Variants in PPFIBP1 observed in about 807,000 individuals in gnomAD.
The protein encoded by PPFIBP1 is liprin-beta-1.
A neutral mutation model predicts 137.8 loss-of-function variants in PPFIBP1; 112 were observed. The ratio of observed to expected loss-of-function variants is 0.81; its 90% CI spans 0.70 to 0.95. The LOEUF (loss-of-function observed/expected upper bound fraction) is 0.95. Ranked by LOEUF, PPFIBP1 falls within the 40% of genes least tolerant of loss-of-function variation. PPFIBP1 has a pLI of 0.00. For missense variants in PPFIBP1, 1,083 were observed against 1,196.6 expected (o/e 0.91, Z 1.40); for synonymous variants, 378 against 417.3 (o/e 0.91, Z 1.15).
intron 7 of PPFIBP1, among the ~76,000 whole-genome samples, chr12:27,650,874 A>G (rs2058836967): frequency 6.6e-6 from 1 of 152,256 alleles, no homozygotes; most frequent in Admixed American, 6.5e-5. Context: ...TACATTTGAA[A>G]TGAAGTATAA....
At chr12:27,602,213 A>G (rs1482715051) in intron 2 of PPFIBP1, among the ~76,000 whole-genome samples, 6 of 152,194 alleles carry the variant, frequency 3.9e-5, no homozygotes, top group African/African-American at 1.2e-4. Flanking sequence ...TTTCCTCCAA[A>G]GCATCTAGAA....
Position 27,634,925 on chromosome 12 carries a change from A to C in PPFIBP1, c.80A>C (p.Glu27Ala), listed in dbSNP as rs759825398. 3 of 1,613,872 alleles carry C rather than the reference A, an allele frequency of 1.9e-6. No individual in the cohort carries two copies. The highest frequency in any genetic ancestry group is 2.5e-6 in the Non-Finnish European group (3 of 1,179,846). ...DGIIAGSKAL[E>A]YSNGIFDCQS... ...TTTAACTTAGGTTCTAAGGCTCTGG[A>C]ATATTCCAATGGGATTTTTGATTGC... The change falls in exon 4 of 30, where the codon GAA becomes GCA. Residue 27 changes from glutamate (E) to alanine (A), a missense_variant. Coordinates refer to ENST00000228425, the MANE Select transcript of PPFIBP1 (RefSeq NM_003622.4).
chr12:27,643,954 A>G (rs1232810882), intron 4 of PPFIBP1, among the ~76,000 whole-genome samples: 1 of 146,940 alleles, frequency 6.8e-6, no homozygotes, highest in African/African-American at 2.5e-5. Flanking sequence ...ATCTGTTTCT[A>G]TTTGGGGCTA....
intron 2 of PPFIBP1, among the ~76,000 whole-genome samples, chr12:27,620,277 C>T (rs2056208536): frequency 6.6e-6 from 1 of 152,120 alleles, no homozygotes; most frequent in Non-Finnish European, 1.5e-5. Context: ...CCATGGAGGC[C>T]CCAGATTCCA....
intron 2 of PPFIBP1, among the ~76,000 whole-genome samples, chr12:27,631,696 G>A (rs16932246): frequency 0.21 from 31,704 of 152,028 alleles, 3,581 homozygotes; most frequent in East Asian, 0.24. Context: ...GCATTTGAAA[G>A]GCTCATTAAA....
intron 4 of PPFIBP1, among the ~76,000 whole-genome samples, chr12:27,638,222 A>G (rs76907601): frequency 0.017 from 2,557 of 152,342 alleles, 70 homozygotes; most frequent in African/African-American, 0.057. Context: ...TTTTACATAT[A>G]TATTTTACCA....
At chr12:27,624,039 A>C (rs1474567090) in intron 2 of PPFIBP1, among the ~76,000 whole-genome samples, 2 of 152,124 alleles carry the variant, frequency 1.3e-5, no homozygotes, top group East Asian at 1.9e-4. Flanking sequence ...GAAAGAATGC[A>C]TGACCCACCT....
At chr12:27,691,221 G>T (rs966020836) in intron 27 of PPFIBP1, among the ~76,000 whole-genome samples, 1 of 151,124 alleles carries the variant, frequency 6.6e-6, no homozygotes, top group Non-Finnish European at 1.5e-5. Context: ...ATCTTAGATT[G>T]AAAAACCTTG....
intron 16 of PPFIBP1, 138 bp downstream of exon 16, chr12:27,673,965 G>A (rs2060352642): frequency 1.2e-6 from 1 of 830,260 alleles, no homozygotes; most frequent in South Asian, 1.8e-5. Flanking sequence ...TTAGATGTTA[G>A]GTTTAACAGT....
chr12:27,667,092 TTCTTA>T, intron 12 of PPFIBP1, 69 bp from the exon 13 acceptor site: 1 of 1,366,196 alleles, frequency 7.3e-7, no homozygotes, highest in East Asian at 2.4e-5. Flanking sequence ...ATAATTGGGA[TTCTTA>T]TCTTCTTGTA....
At chr12:27,558,479 C>CACAG (rs1170025156) in intron 1 of PPFIBP1, among the ~76,000 whole-genome samples, 2 of 112,792 alleles carry the variant, frequency 1.8e-5, no homozygotes, top group East Asian at 6.2e-4. Context: ...CACACACACA[C>CACAG]ACACACACAC....
chr12:27,692,784 C>T lies in PPFIBP1; in HGVS notation c.2932-12C>T. 1 of 1,614,076 alleles carries T rather than the reference C, an allele frequency of 6.2e-7. No individual in the cohort carries two copies. The highest frequency in any genetic ancestry group is 1.3e-5 in the African/African-American group (1 of 75,038). ...GGCTCTCAGTGTGACTCCCTGTCTC[C>T]TTGTTTTCCAGCACATGTTAAAAGA... On this transcript the variant is annotated splice_polypyrimidine_tract_variant and intron_variant, in intron 29 of 29. Coordinates refer to ENST00000228425, the MANE Select transcript of PPFIBP1 (RefSeq NM_003622.4).
intron 11 of PPFIBP1, among the ~76,000 whole-genome samples, chr12:27,663,972 G>A (rs1382620600): frequency 6.6e-6 from 1 of 152,168 alleles, no homozygotes; most frequent in Non-Finnish European, 1.5e-5. Flanking sequence ...CAGAAGATGG[G>A]GGTCTTTCTT....
intron 4 of PPFIBP1, among the ~76,000 whole-genome samples, chr12:27,643,961 G>T (rs2058288916): frequency 6.8e-6 from 1 of 147,736 alleles, no homozygotes; most frequent in Non-Finnish European, 1.5e-5. Flanking sequence ...TCTATTTGGG[G>T]CTAATTTTGG....
Position 27,650,100 on chromosome 12 carries a change from A to G in PPFIBP1, c.562A>G (p.Lys188Glu). The change falls in exon 7 of 30, where the codon AAG becomes GAG. Residue 188 changes from lysine (K) to glutamate (E), a missense_variant. Coordinates refer to ENST00000228425, the MANE Select transcript of PPFIBP1 (RefSeq NM_003622.4). ...NLKLKLTAVE[K>E]DRLDYEDKFR... The stretch of plus-strand genomic sequence containing the variant: ...GAAGTTGAAACTGACAGCTGTAGAG[A>G]AGGACAGATTGGATTATGAAGATAA... 6.2e-7 allele frequency: 1 copy of G among 1,609,052 alleles called. No individual in the cohort carries two copies. Among genetic ancestry groups the G allele is most frequent in the Non-Finnish European group, 8.5e-7 (1 of 1,175,486 alleles).
chr12:27,534,512 T>C (rs2135871993), intron 1 of PPFIBP1, among the ~76,000 whole-genome samples: 1 of 152,018 alleles, frequency 6.6e-6, no homozygotes, highest in African/African-American at 2.4e-5. Flanking sequence ...TTTGCCAGAA[T>C]GTGTCTCGAG....
At position 27,646,086 on chromosome 12, in the gene PPFIBP1, G is replaced by A. The variant is rs138904548; in HGVS notation, c.295G>A (p.Gly99Arg). 15 of 1,610,424 alleles carry A rather than the reference G, an allele frequency of 9.3e-6. No homozygotes were observed. Among genetic ancestry groups the A allele is most frequent in the Middle Eastern group, 1.8e-4 (1 of 5,488 alleles). The stretch of plus-strand genomic sequence containing the variant: ...GACAAATGGACACCTACCAGGGAAC[G>A]GAGATGTGTATCAAGAAAGGCTGGC... ...QMTNGHLPGN[G>R]DVYQERLARL... Residue 99 changes from glycine to arginine, a missense_variant, in exon 5 of 30, where the codon GGA becomes AGA. Physicochemically the swap from Gly to Arg is moderately radical, Grantham distance 125. Coordinates refer to ENST00000228425, the MANE Select transcript of PPFIBP1 (RefSeq NM_003622.4).
At position 27,674,908 on chromosome 12, in the gene PPFIBP1, G is replaced by A. The variant is rs375555412; in HGVS notation, c.1410+687G>A. On this transcript the variant is annotated intron_variant, in intron 17 of 29. Transcript: ENST00000228425. ...ACTCACTGTAGCCTCGATTTCCTGGGCTCAGGTGATTTTCCCACTTCAGCC... is the reference window on the plus strand; with the variant it reads ...ACTCACTGTAGCCTCGATTTCCTGGACTCAGGTGATTTTCCCACTTCAGCC... Among the ~76,000 whole-genome samples, 3 of 146,318 alleles carry A rather than the reference G, an allele frequency of 2.1e-5. No individual in the cohort carries two copies. The South Asian group carries it at 6.4e-4, about 31-fold the overall frequency.
At chr12:27,588,100 T>C (rs2052011612) in intron 2 of PPFIBP1, among the ~76,000 whole-genome samples, 1 of 152,242 alleles carries the variant, frequency 6.6e-6, no homozygotes. Flanking sequence ...GGTGTCCTCA[T>C]AATTAGATTC....
Sources: gnomAD v4.1 joint callset for allele counts (sites outside exome capture counted in the v4.1 genomes callset) on GRCh38, gnomAD v4.1.1 for gene constraint, MANE v1.5 for transcripts, NCBI Gene and HGNC (gene_info 2026-07-23, HGNC 2026-07-21) for gene names.